The following CNBD1 variants were observed in gnomAD, a reference collection of about 807,000 sequenced individuals.
CNBD1 encodes the protein cyclic nucleotide binding domain containing 1.
A neutral mutation model predicts 54.4 loss-of-function variants in CNBD1; 71 were observed. The ratio of observed to expected loss-of-function variants is 1.30; its 90% CI spans 1.08 to 1.59. The LOEUF is 1.59. Among genes scored for constraint, CNBD1 ranks in the 40% most tolerant of loss-of-function variants. The pLI, the probability that CNBD1 is intolerant of heterozygous loss-of-function variation, is 0.00. For synonymous variants in CNBD1, 182 were observed against 170.7 expected (o/e 1.07, Z -0.51); for missense variants, 659 against 518.0 (o/e 1.27, Z -2.64).
At chr8:87,347,685 G>T (rs1384660069) in intron 8 of CNBD1, among the ~76,000 whole-genome samples, 1 of 152,054 alleles carries the variant, frequency 6.6e-6, no homozygotes, top group Non-Finnish European at 1.5e-5. Flanking sequence ...TGGTTTAATT[G>T]GTTATTGGGC....
At chr8:87,050,363 T>C (rs1306733295) in intron 4 of CNBD1, among the ~76,000 whole-genome samples, 1 of 152,132 alleles carries the variant, frequency 6.6e-6, no homozygotes. Flanking sequence ...AAACCTTATA[T>C]CCTCTCTTAG....
At chr8:87,220,723 G>T (rs1814314719) in intron 5 of CNBD1, among the ~76,000 whole-genome samples, 1 of 151,792 alleles carries the variant, frequency 6.6e-6, no homozygotes, top group East Asian at 1.9e-4. Context: ...TTTTAAAAAG[G>T]TTGTACATAT....
intron 4 of CNBD1, among the ~76,000 whole-genome samples, chr8:87,158,821 A>G (rs1350227494): frequency 6.6e-6 from 1 of 152,206 alleles, no homozygotes; most frequent in East Asian, 1.9e-4. Context: ...TATAAACTAC[A>G]AAGACAGCAA....
rs1179903104 is a variant in CNBD1 at position 87,058,748 on chromosome 8, A to T, written c.431+118994A>T. Reference sequence around the variant, plus strand: ...GGCCCTGGACCCAGTCCATGTAACCATCTTTCCTTCCTGGGTCTGTGATGG... The same window carrying T: ...GGCCCTGGACCCAGTCCATGTAACCTTCTTTCCTTCCTGGGTCTGTGATGG... On this transcript the variant is annotated intron_variant, in intron 4 of 10. Transcript: ENST00000518476. Among the ~76,000 whole-genome samples the T allele has an allele frequency of 2.6e-5, 4 of 152,172 alleles. No individual in the cohort carries two copies. The East Asian group carries it at 7.7e-4, about 29-fold the overall frequency.
intron 4 of CNBD1, among the ~76,000 whole-genome samples, chr8:87,168,632 T>C (rs1489976100): frequency 6.6e-6 from 1 of 151,966 alleles, no homozygotes; most frequent in East Asian, 1.9e-4. Context: ...TCTATCTCCA[T>C]GAGTTCAATT....
intron 4 of CNBD1, among the ~76,000 whole-genome samples, chr8:87,032,822 A>G (rs938887540): frequency 1.3e-5 from 2 of 152,170 alleles, no homozygotes; most frequent in African/African-American, 2.4e-5. Flanking sequence ...TCTGATGTTA[A>G]TTTGTTTTCT....
At chr8:87,029,666 A>G (rs1049786613) in intron 4 of CNBD1, among the ~76,000 whole-genome samples, 10 of 152,188 alleles carry the variant, frequency 6.6e-5, no homozygotes. Context: ...CGAGAGGAGG[A>G]GTGAGAAAGG....
intron 10 of CNBD1, among the ~76,000 whole-genome samples, 163 bp from the exon 11 acceptor site, chr8:87,382,457 T>A (rs1299360716): frequency 6.6e-6 from 1 of 152,054 alleles, no homozygotes; most frequent in Admixed American, 6.6e-5. Context: ...TGTAAAGTGT[T>A]ACATTATTTC....
At chr8:87,402,509 C>A (rs1367134616) in intron 2 of CNBD1, among the ~76,000 whole-genome samples, 2 of 152,020 alleles carry the variant, frequency 1.3e-5, no homozygotes, top group East Asian at 1.9e-4. Context: ...AATAGGTTTT[C>A]TTTTAACTAT....
At chr8:87,320,973 G>T (rs1324332752) in intron 8 of CNBD1, among the ~76,000 whole-genome samples, 1 of 152,032 alleles carries the variant, frequency 6.6e-6, no homozygotes, top group Non-Finnish European at 1.5e-5. Context: ...TTGTCCTCCT[G>T]TGACTGGCTT....
At chr8:87,370,145 G>T (rs1364542887) in intron 10 of CNBD1, among the ~76,000 whole-genome samples, 2 of 151,684 alleles carry the variant, frequency 1.3e-5, no homozygotes, top group Non-Finnish European at 2.9e-5. Flanking sequence ...CATTTGGGTT[G>T]GTTCCAAGTC....
At chr8:87,388,851 A>G (rs111918469) in intron 2 of CNBD1, among the ~76,000 whole-genome samples, 2,879 of 152,334 alleles carry the variant, frequency 0.019, 92 homozygotes, top group African/African-American at 0.063. Context: ...AAAATCCTCA[A>G]TAAAATACTG....
Position 87,336,249 on chromosome 8 carries a change from C to G in CNBD1, c.1043-15436C>G, listed in dbSNP as rs1809943281. On this transcript the variant is annotated intron_variant, in intron 8 of 10. Transcript: ENST00000518476. ...TTAATTTGAATGTTGGCTTGTCTTCCTAGGTTGGGGAAGTTCTTCTGGATA... is the reference window on the plus strand; with the variant it reads ...TTAATTTGAATGTTGGCTTGTCTTCGTAGGTTGGGGAAGTTCTTCTGGATA... 2.6e-5 allele frequency among the ~76,000 whole-genome samples: 4 copies of G among 152,064 alleles called. No homozygotes were observed. In the South Asian group the frequency reaches 8.3e-4, roughly 32 times the overall value.
chr8:87,264,688 A>G (rs951660663), intron 6 of CNBD1, among the ~76,000 whole-genome samples: 1 of 152,132 alleles, frequency 6.6e-6, no homozygotes, highest in African/African-American at 2.4e-5. Context: ...AGTGATCGCC[A>G]TTCTAACTGG....
intron 10 of CNBD1, among the ~76,000 whole-genome samples, chr8:87,357,248 C>T (rs1277611914): frequency 6.6e-6 from 1 of 152,132 alleles, no homozygotes; most frequent in African/African-American, 2.4e-5. Flanking sequence ...GGGGCACTGC[C>T]TAGTGAACTG....
intron 6 of CNBD1, among the ~76,000 whole-genome samples, chr8:87,255,776 C>G (rs1028780155): frequency 1.3e-5 from 2 of 150,906 alleles, no homozygotes; most frequent in African/African-American, 4.9e-5. Flanking sequence ...CCTTAGCCTT[C>G]TGGGTCTCAT....
intron 4 of CNBD1, among the ~76,000 whole-genome samples, chr8:86,970,991 C>G (rs1184259428): frequency 6.6e-6 from 1 of 152,082 alleles, no homozygotes; most frequent in Non-Finnish European, 1.5e-5. Flanking sequence ...TGCCAAAAAT[C>G]TTCATGTTAT....
rs151010931 is a variant in CNBD1 at position 87,271,853 on chromosome 8, C to A, written c.772-12825C>A. 1.3e-5 allele frequency among the ~76,000 whole-genome samples: 2 copies of A among 151,146 alleles called. 1 individual carries two copies. Among genetic ancestry groups the A allele is most frequent in the South Asian group, 4.2e-4 (2 of 4,818 alleles). The stretch of plus-strand genomic sequence containing the variant: ...CACAGTAGCCCAGATACAGAAGCAA[C>A]CTAAGTGTCCATCAATGGATGAATG... On this transcript the variant is annotated intron_variant, in intron 6 of 10. Transcript: ENST00000518476.
At chr8:87,221,477 C>A (rs1015956206) in intron 5 of CNBD1, among the ~76,000 whole-genome samples, 13 of 152,056 alleles carry the variant, frequency 8.5e-5, no homozygotes, top group African/African-American at 2.9e-4. Context: ...TCCTACTATA[C>A]AAATATTTTT....
Sources: gnomAD v4.1 joint callset for allele counts (sites outside exome capture counted in the v4.1 genomes callset) on GRCh38, gnomAD v4.1.1 for gene constraint, MANE v1.5 for transcripts, NCBI Gene and HGNC (gene_info 2026-07-23, HGNC 2026-07-21) for gene names.